SAMD12: variants seen among roughly 807,000 people sequenced by gnomAD.
SAMD12 encodes sterile alpha motif domain containing 12, also known as sterile alpha motif domain-containing protein 12.
SAMD12 carries 9 observed loss-of-function variants against 15.0 expected under a neutral mutation model. The ratio of observed to expected loss-of-function variants is 0.60; its 90% CI spans 0.36 to 1.05. SAMD12 has a LOEUF of 1.05. SAMD12 is among the 50% of genes least tolerant of loss of function. The probability of loss-of-function intolerance (pLI) is 0.01; values close to 1 mark genes in which losing one functional copy is unlikely to be tolerated. For synonymous variants in SAMD12, 86 were observed against 90.1 expected, an observed-to-expected ratio of 0.96 and a Z score of 0.25; for missense variants, 230 against 234.2, an observed-to-expected ratio of 0.98 and a Z score of 0.12.
chr8:118,300,032 CTT>C (rs66517737), intron 4 of SAMD12, among the ~76,000 whole-genome samples: 1 of 151,574 alleles, frequency 6.6e-6, no homozygotes, highest in African/African-American at 2.4e-5. Flanking sequence ...TTTTTCTTTA[CTT>C]TTTTTTAATT....
chr8:118,287,400 C>T (rs1182498953), intron 4 of SAMD12, among the ~76,000 whole-genome samples: 1 of 152,200 alleles, frequency 6.6e-6, no homozygotes, highest in African/African-American at 2.4e-5. Context: ...GCTGGAATTA[C>T]AGGCGTGAGC....
At chr8:118,494,985 C>T (rs1334290067) in intron 2 of SAMD12, among the ~76,000 whole-genome samples, 1 of 152,196 alleles carries the variant, frequency 6.6e-6, no homozygotes, top group Non-Finnish European at 1.5e-5. Flanking sequence ...AGCTCACCTT[C>T]CCTATCTACA....
At chr8:118,245,726 C>G (rs2129988645) in intron 4 of SAMD12, among the ~76,000 whole-genome samples, 1 of 152,228 alleles carries the variant, frequency 6.6e-6, no homozygotes, top group African/African-American at 2.4e-5. Context: ...GCAAAACATT[C>G]TCTTTTGATG....
exon 5 of SAMD12, chr8:118,191,750 T>G (rs1819379262): frequency 1.3e-5 from 1 of 76,870 alleles, no homozygotes; most frequent in African/African-American, 4.8e-5. Context: ...AAAAAAATAC[T>G]GGAGATTATA....
chr8:118,609,068 G>T (rs192710746), intron 1 of SAMD12, among the ~76,000 whole-genome samples: 114 of 152,280 alleles, frequency 7.5e-4, no homozygotes, highest in African/African-American at 2.3e-3. Context: ...ATCAATGTGA[G>T]CTATACATAC....
chr8:118,452,663 T>A (rs1160116670), intron 2 of SAMD12, among the ~76,000 whole-genome samples: 2 of 152,222 alleles, frequency 1.3e-5, no homozygotes, highest in Admixed American at 1.3e-4. Context: ...TCACTTTTTA[T>A]CCTGTTTATT....
exon 5 of SAMD12, chr8:118,190,346 TCA>T (rs1373845067): frequency 6.6e-6 from 1 of 152,162 alleles, no homozygotes; most frequent in Non-Finnish European, 1.5e-5. Flanking sequence ...CCTGTGCCTC[TCA>T]GTTTGGCACC....
chr8:118,292,947 T>A (rs957463076), intron 4 of SAMD12, among the ~76,000 whole-genome samples: 8 of 151,206 alleles, frequency 5.3e-5, no homozygotes, highest in African/African-American at 1.7e-4. Context: ...ATATACCTAA[T>A]GCCAGATGAC....
chr8:118,493,268 A>G (rs1393386344), intron 2 of SAMD12, among the ~76,000 whole-genome samples: 4 of 152,134 alleles, frequency 2.6e-5, no homozygotes, highest in Admixed American at 1.3e-4. Context: ...GCCAAGTGCC[A>G]TATGTGCTAA....
chr8:118,267,194 T>C (rs1813224315), intron 4 of SAMD12, among the ~76,000 whole-genome samples: 1 of 152,064 alleles, frequency 6.6e-6, no homozygotes. Context: ...ACATGAGCAA[T>C]TTACTCTTCC....
intron 1 of SAMD12, among the ~76,000 whole-genome samples, chr8:118,603,458 A>G (rs1392975461): frequency 2.0e-5 from 3 of 152,238 alleles, no homozygotes; most frequent in Non-Finnish European, 2.9e-5. Flanking sequence ...AAACTAGAAT[A>G]TATTAGACAC....
chr8:118,306,519 G>A (rs2130366759), intron 4 of SAMD12, among the ~76,000 whole-genome samples: 2 of 152,232 alleles, frequency 1.3e-5, no homozygotes, highest in Middle Eastern at 3.4e-3. Flanking sequence ...TGTGACCACT[G>A]GAGTTCCATC....
chr8:118,552,774 A>G (rs1826385310), intron 2 of SAMD12, among the ~76,000 whole-genome samples: 1 of 152,200 alleles, frequency 6.6e-6, no homozygotes, highest in African/African-American at 2.4e-5. Flanking sequence ...TTGTATCTCT[A>G]GAAAACCCCA....
rs540527178 is a variant in SAMD12, at chr8:118,292,382, C to T, written c.433+87178G>A. Among the ~76,000 whole-genome samples the T allele has an allele frequency of 7.1e-4, 32 of 45,350 alleles. No individual in the cohort carries two copies. The South Asian group carries it at 8.1e-3, about 11-fold the overall frequency. The allele number at this position is 45,350 out of a possible 152,430, so 29.8% of individuals were successfully genotyped here. A position where few individuals can be genotyped will look rare whatever the true frequency, so the allele number is the denominator to read the frequency against. On this transcript the variant is annotated intron_variant, in intron 4 of 4. Coordinates refer to the SAMD12 transcript ENST00000409003. ...CACACACACACACACACACATATTC[C>T]GGAGACCTTGGATCAAAGGCAGTGT... is the stretch of plus-strand genomic sequence containing the variant.
At chr8:118,451,072 T>C (rs1823067745) in intron 2 of SAMD12, among the ~76,000 whole-genome samples, 1 of 152,138 alleles carries the variant, frequency 6.6e-6, no homozygotes, top group East Asian at 1.9e-4. Flanking sequence ...ACCTGCAAAG[T>C]AGGTATTACT....
In SAMD12 at chr8:118,485,475, G is replaced by C. The variant is rs573458063; in HGVS notation, c.193-45514C>G. On this transcript the variant is annotated intron_variant, in intron 2 of 3. Coordinates refer to ENST00000314727, the MANE Select transcript of SAMD12 (RefSeq NM_207506.3). ...CCTTATTCCATAGCTTTCCTAAATT[G>C]AAAGTTCTTGATAGAGATTTTATCT... is the stretch of plus-strand genomic sequence containing the variant. 2.0e-5 allele frequency among the ~76,000 whole-genome samples: 3 copies of C among 152,284 alleles called. No individual in the cohort carries two copies. The South Asian group carries it at 6.2e-4, about 32-fold the overall frequency.
chr8:118,575,352 T>C (rs1377341075), intron 2 of SAMD12, among the ~76,000 whole-genome samples: 6 of 152,386 alleles, frequency 3.9e-5, no homozygotes, highest in Admixed American at 3.9e-4. Flanking sequence ...CAAGATTTGC[T>C]GTTTTCTCCC....
intron 3 of SAMD12, among the ~76,000 whole-genome samples, chr8:118,407,258 C>T (rs1022959214): frequency 6.6e-6 from 1 of 152,112 alleles, no homozygotes; most frequent in African/African-American, 2.4e-5. Context: ...ATTTCCATAG[C>T]AGCTGCACTA....
chr8:118,166,818 T>C, the SAMD12 span, among the ~76,000 whole-genome samples: 27,000 of 152,138 alleles, frequency 0.18, 5,911 homozygotes, highest in African/African-American at 0.52. Context: ...TCTCTCCTTG[T>C]GCATGACTTA....
Sources: gnomAD v4.1 joint callset for allele counts (sites outside exome capture counted in the v4.1 genomes callset) on GRCh38, gnomAD v4.1.1 for gene constraint, MANE v1.5 for transcripts, NCBI Gene and HGNC (gene_info 2026-07-23, HGNC 2026-07-21) for gene names.